PHACTR3: variants seen among roughly 807,000 people sequenced by gnomAD.
PHACTR3 encodes phosphatase and actin regulator 3, also known as protein phosphatase 1, regulatory subunit 123.
Under a neutral mutation model 66.8 loss-of-function variants are expected in PHACTR3, and 16 were observed. The ratio of observed to expected loss-of-function variants is 0.24; its 90% CI spans 0.16 to 0.36. The LOEUF (loss-of-function observed/expected upper bound fraction) is 0.36, where lower values mean the gene tolerates loss of function less well. Ranked by LOEUF, PHACTR3 falls within the 10% of genes least tolerant of loss-of-function variation. The pLI is 1.00. For missense variants in PHACTR3, 647 were observed against 719.9 expected (o/e 0.90, Z 1.16); for synonymous variants, 323 against 292.1 (o/e 1.11, Z -1.08).
At position 59,604,897 on chromosome 20, in the gene PHACTR3, T is replaced by TG; in HGVS notation, c.-118_-117insG. ...CCGGCCTTTTTTTTTTTTTTTTTTTTTTAATTTTCTTTTTTAAAAAGACGC... is the reference window on the plus strand; with the variant it reads ...CCGGCCTTTTTTTTTTTTTTTTTTTTGTTAATTTTCTTTTTTAAAAAGACGC... On this transcript the variant is annotated 5_prime_UTR_variant, in exon 1 of 13. Transcript: ENST00000371015. 9.2e-7 allele frequency: 1 copy of TG among 1,081,770 alleles called. No homozygotes were observed. The highest frequency in any genetic ancestry group is 1.1e-6 in the Non-Finnish European group (1 of 892,378). 67.0% of individuals were successfully genotyped at this position (1,081,770 alleles called of 1,614,324 possible). A position where few individuals can be genotyped will look rare whatever the true frequency, so the allele number is the denominator to read the frequency against.
intron 1 of PHACTR3, among the ~76,000 whole-genome samples, chr20:59,704,102 A>T (rs1263991827): frequency 6.6e-6 from 1 of 152,170 alleles, no homozygotes; most frequent in Admixed American, 6.5e-5. Context: ...AAAGACTTTC[A>T]TACATTTTTG....
intron 1 of PHACTR3, among the ~76,000 whole-genome samples, chr20:59,640,979 C>T (rs1001969024): frequency 2.0e-5 from 3 of 151,986 alleles, no homozygotes; most frequent in Non-Finnish European, 4.4e-5. Flanking sequence ...TATATATATG[C>T]ACATCTATAT....
At chr20:59,744,885 G>A (rs886809829) in intron 2 of PHACTR3, among the ~76,000 whole-genome samples, 3 of 152,198 alleles carry the variant, frequency 2.0e-5, no homozygotes, top group African/African-American at 7.2e-5. Flanking sequence ...CACGTGAGTC[G>A]ATTGCAGACT....
At chr20:59,585,067 C>G (rs191602112) in intron 1 of PHACTR3, among the ~76,000 whole-genome samples, 1 of 152,164 alleles carries the variant, frequency 6.6e-6, no homozygotes, top group African/African-American at 2.4e-5. Flanking sequence ...GGAACGTGAG[C>G]GGGGCCTCGG....
intron 1 of PHACTR3, among the ~76,000 whole-genome samples, chr20:59,739,618 G>A (rs1336318822): frequency 6.6e-6 from 1 of 152,118 alleles, no homozygotes; most frequent in Non-Finnish European, 1.5e-5. Flanking sequence ...CATGCGGACA[G>A]CATGGGGGAA....
In PHACTR3 at chr20:59,604,918, G is replaced by C. The variant is rs189231774; in HGVS notation, c.-97G>C. ...TTTTTTTAATTTTCTTTTTTAAAAA[G>C]ACGCCCCCTCCAGCCCCCTCGCCGG... is the stretch of plus-strand genomic sequence containing the variant. On this transcript the variant is annotated 5_prime_UTR_variant, in exon 1 of 13. Coordinates refer to ENST00000371015, the MANE Select transcript of PHACTR3 (RefSeq NM_080672.5). The C allele has an allele frequency of 1.3e-6, 1 of 754,728 alleles. No homozygotes were observed. Among genetic ancestry groups the C allele is most frequent in the Non-Finnish European group, 1.6e-6 (1 of 632,290 alleles). 46.8% of individuals were successfully genotyped at this position (754,728 alleles called of 1,614,324 possible).
chr20:59,782,983 G>C (rs979248657), intron 7 of PHACTR3, among the ~76,000 whole-genome samples: 1 of 152,198 alleles, frequency 6.6e-6, no homozygotes, highest in Non-Finnish European at 1.5e-5. Flanking sequence ...CCTTTCCCCA[G>C]TAGACATACT....
At chr20:59,749,114 C>T (rs1257992613) in intron 3 of PHACTR3, among the ~76,000 whole-genome samples, 3 of 152,102 alleles carry the variant, frequency 2.0e-5, no homozygotes, top group African/African-American at 4.8e-5. Context: ...TGGTTAACGC[C>T]GTCGTGACGC....
At chr20:59,625,962 G>A (rs1314936053) in intron 1 of PHACTR3, among the ~76,000 whole-genome samples, 1 of 152,114 alleles carries the variant, frequency 6.6e-6, no homozygotes, top group Non-Finnish European at 1.5e-5. Context: ...TTTCTGTGCT[G>A]CAAGAGATCT....
intron 1 of PHACTR3, among the ~76,000 whole-genome samples, chr20:59,717,236 T>C (rs746660715): frequency 3.3e-5 from 5 of 152,200 alleles, no homozygotes; most frequent in Non-Finnish European, 5.9e-5. Flanking sequence ...GAATTAATGA[T>C]CTTAATAATG....
intron 1 of PHACTR3, among the ~76,000 whole-genome samples, chr20:59,666,972 T>C (rs1343270271): frequency 6.6e-6 from 1 of 152,240 alleles, no homozygotes; most frequent in Non-Finnish European, 1.5e-5. Context: ...GGGTCGTTTA[T>C]TGACCAACAG....
chr20:59,839,140 G>A (rs570260096), intron 9 of PHACTR3, among the ~76,000 whole-genome samples: 4 of 151,892 alleles, frequency 2.6e-5, no homozygotes, highest in South Asian at 2.1e-4. Context: ...AACATTTTAC[G>A]TCACGTAAAT....
intron 1 of PHACTR3, among the ~76,000 whole-genome samples, chr20:59,708,361 C>T (rs933143892): frequency 1.3e-5 from 2 of 152,154 alleles, no homozygotes; most frequent in South Asian, 2.1e-4. Context: ...CCAGCTGGAC[C>T]GAGGCACCAC....
At chr20:59,657,901 T>G (rs1293954667) in intron 1 of PHACTR3, among the ~76,000 whole-genome samples, 1 of 152,196 alleles carries the variant, frequency 6.6e-6, no homozygotes, top group Non-Finnish European at 1.5e-5. Context: ...AATTTCTGCT[T>G]CTTTTTCACT....
chr20:59,815,767 G>A (rs923272104), intron 8 of PHACTR3, among the ~76,000 whole-genome samples: 1 of 152,170 alleles, frequency 6.6e-6, no homozygotes, highest in Non-Finnish European at 1.5e-5. Flanking sequence ...CAAAACAGGC[G>A]ATGAGGCTTG....
chr20:59,752,934 A>G (rs945006376), intron 3 of PHACTR3, among the ~76,000 whole-genome samples: 4 of 152,092 alleles, frequency 2.6e-5, no homozygotes, highest in African/African-American at 7.2e-5. Context: ...CTGTGCTGTC[A>G]CGGTTGCACG....
intron 4 of PHACTR3, among the ~76,000 whole-genome samples, chr20:59,756,716 A>G (rs541352933): frequency 6.6e-6 from 1 of 151,730 alleles, no homozygotes; most frequent in South Asian, 2.1e-4. Context: ...GTACATGTGC[A>G]CAACGTGCAG....
chr20:59,814,122 C>G (rs1243857793), intron 8 of PHACTR3, among the ~76,000 whole-genome samples: 1 of 152,208 alleles, frequency 6.6e-6, no homozygotes, highest in Non-Finnish European at 1.5e-5. Flanking sequence ...CGAGAAGCAG[C>G]CAGGGCTCCC....
intron 1 of PHACTR3, among the ~76,000 whole-genome samples, chr20:59,595,989 A>G (rs2033317076): frequency 6.6e-6 from 1 of 152,170 alleles, no homozygotes; most frequent in Non-Finnish European, 1.5e-5. Flanking sequence ...AAGTGAACAC[A>G]CCTCTGTAGG....
Sources: gnomAD v4.1 joint callset for allele counts (sites outside exome capture counted in the v4.1 genomes callset) on GRCh38, gnomAD v4.1.1 for gene constraint, MANE v1.5 for transcripts, NCBI Gene and HGNC (gene_info 2026-07-23, HGNC 2026-07-21) for gene names.